The following AOAH variants were observed in gnomAD, a reference collection of about 807,000 sequenced individuals.
AOAH encodes the protein acyloxyacyl hydrolase (neutrophil).
AOAH carries 64 observed loss-of-function variants against 92.2 expected under a neutral mutation model. The observed-to-expected ratio is 0.69, with a 90% CI of 0.57 to 0.86. The LOEUF is 0.86. Among genes scored for constraint, AOAH ranks in the 40% least tolerant of loss-of-function variants. The pLI is 0.00. For synonymous variants in AOAH, 263 were observed against 254.5 expected (o/e 1.03, Z -0.32); for missense variants, 656 against 694.6 (o/e 0.94, Z 0.62).
At chr7:36,682,295 C>T (rs933250293) in intron 2 of AOAH, among the ~76,000 whole-genome samples, 3 of 150,366 alleles carry the variant, frequency 2.0e-5, no homozygotes, top group East Asian at 3.9e-4. Flanking sequence ...AAGCAAGCTG[C>T]CACAATTTTT....
chr7:36,558,595 C>T (rs1181384134), intron 13 of AOAH, among the ~76,000 whole-genome samples: 4 of 152,224 alleles, frequency 2.6e-5, no homozygotes, highest in East Asian at 1.9e-4. Flanking sequence ...CTACAGAGGC[C>T]AGCAGGCCTC....
intron 2 of AOAH, among the ~76,000 whole-genome samples, chr7:36,680,695 C>T (rs7783845): frequency 6.6e-6 from 1 of 152,142 alleles, no homozygotes; most frequent in Non-Finnish European, 1.5e-5. Context: ...CCCATGGTGT[C>T]CTTTAACCTG....
chr7:36,682,161 C>G (rs4532514), intron 2 of AOAH, among the ~76,000 whole-genome samples: 37,220 of 152,244 alleles, frequency 0.24, 5,032 homozygotes, highest in African/African-American at 0.36. Flanking sequence ...CTAGAGTCAT[C>G]TGGCACCCAC....
At chr7:36,684,605 G>T (rs1796849533) in intron 2 of AOAH, among the ~76,000 whole-genome samples, 2 of 151,852 alleles carry the variant, frequency 1.3e-5, no homozygotes, top group African/African-American at 4.8e-5. Flanking sequence ...ATTGAACATC[G>T]ACAGCTGCGA....
At chr7:36,620,406 GA>G (rs34474544) in intron 9 of AOAH, among the ~76,000 whole-genome samples, 2,975 of 145,348 alleles carry the variant, frequency 0.02, 98 homozygotes, top group African/African-American at 0.069. Flanking sequence ...TTATGAAACA[GA>G]AAAAAAAAAA....
intron 2 of AOAH, among the ~76,000 whole-genome samples, chr7:36,680,626 A>AATGTGTATGGGGTGT (rs1796588687): frequency 6.6e-6 from 1 of 152,160 alleles, no homozygotes; most frequent in Non-Finnish European, 1.5e-5. Context: ...CATACAACTG[A>AATGTGTATGGGGTGT]CATAACCATT....
intron 15 of AOAH, 79 bp downstream of exon 15, chr7:36,548,533 G>T: frequency 8.4e-7 from 1 of 1,190,528 alleles, no homozygotes; most frequent in Non-Finnish European, 1.2e-6. Flanking sequence ...CTGCTATAAT[G>T]GAGTGGAGTT....
At chr7:36,701,043 T>A (rs549872502) in intron 1 of AOAH, among the ~76,000 whole-genome samples, 5 of 152,046 alleles carry the variant, frequency 3.3e-5, no homozygotes, top group Admixed American at 1.3e-4. Flanking sequence ...TTAGGGCTAT[T>A]TTGTTGAATT....
chr7:36,692,641 G>A (rs1797473734), intron 1 of AOAH, among the ~76,000 whole-genome samples: 1 of 152,128 alleles, frequency 6.6e-6, no homozygotes, highest in African/African-American at 2.4e-5. Context: ...GACATAAGGT[G>A]ACTGGTTTAG....
At chr7:36,704,665 CCAAAACCTGG>C (rs1335770039) in intron 1 of AOAH, among the ~76,000 whole-genome samples, 1 of 152,112 alleles carries the variant, frequency 6.6e-6, no homozygotes, top group Non-Finnish European at 1.5e-5. Flanking sequence ...CATCCTGATA[CCAAAACCTGG>C]CAGTGACACA....
intron 1 of AOAH, among the ~76,000 whole-genome samples, chr7:36,706,740 C>T (rs4443566): frequency 0.061 from 9,219 of 152,252 alleles, 372 homozygotes; most frequent in Middle Eastern, 0.15. Context: ...GCTTCTACAT[C>T]AGCATGTGTT....
chr7:36,673,956 C>G lies in AOAH; in HGVS notation c.277G>C (p.Asp93His), dbSNP rs1267800979. ...CYLVIDKFGS[D>H]IIKLLSADMN... is the part of the protein sequence containing the mutation. ...TGGCATACTCACAGTTTTATGATGT[C>G]TGATCCAAACTTGTCAATGACTAAA... Residue 93 changes from aspartate to histidine, a missense_variant, in exon 3 of 21, where the codon GAC becomes CAC. Asp to His is a moderately conservative substitution (Grantham distance 81). Coordinates refer to ENST00000617537, the MANE Select transcript of AOAH (RefSeq NM_001637.4). The G allele has an allele frequency of 6.2e-7, 1 of 1,610,154 alleles. No homozygotes were observed. Among genetic ancestry groups the G allele is most frequent in the Non-Finnish European group, 8.5e-7 (1 of 1,176,946 alleles).
chr7:36,694,507 C>A (rs1331622601), intron 1 of AOAH, among the ~76,000 whole-genome samples: 1 of 152,032 alleles, frequency 6.6e-6, no homozygotes, highest in Non-Finnish European at 1.5e-5. Context: ...GAACAAAAAA[C>A]CACTCAGAAA....
intron 6 of AOAH, among the ~76,000 whole-genome samples, chr7:36,625,474 T>C (rs990964425): frequency 1.3e-5 from 2 of 152,196 alleles, no homozygotes; most frequent in Non-Finnish European, 1.5e-5. Flanking sequence ...GCCCCCAGTA[T>C]TGGTCCTCAC....
intron 3 of AOAH, among the ~76,000 whole-genome samples, chr7:36,663,828 A>T (rs1373933007): frequency 6.6e-6 from 1 of 152,188 alleles, no homozygotes; most frequent in East Asian, 1.9e-4. Context: ...AGCGGTATGA[A>T]TCCTGGCTTG....
intron 3 of AOAH, among the ~76,000 whole-genome samples, chr7:36,669,911 T>C (rs1010577313): frequency 6.6e-6 from 1 of 152,178 alleles, no homozygotes; most frequent in Non-Finnish European, 1.5e-5. Context: ...AGAGTCAGGC[T>C]TGCTACAGGA....
At chr7:36,683,706 A>G (rs967017000) in intron 2 of AOAH, among the ~76,000 whole-genome samples, 19 of 141,102 alleles carry the variant, frequency 1.3e-4, no homozygotes, top group African/African-American at 4.4e-4. Context: ...TTAAGAAAAA[A>G]ATATTGTGGT....
intron 19 of AOAH, among the ~76,000 whole-genome samples, chr7:36,527,736 G>C (rs766003815): frequency 1.2e-4 from 18 of 152,200 alleles, no homozygotes; most frequent in Non-Finnish European, 2.1e-4. Flanking sequence ...AGGTCACCCA[G>C]CTATTCTGTG....
chr7:36,549,793 A>G (rs1786067633), intron 13 of AOAH, among the ~76,000 whole-genome samples: 1 of 152,224 alleles, frequency 6.6e-6, no homozygotes, highest in Non-Finnish European at 1.5e-5. Flanking sequence ...AAAAGTATGT[A>G]TCTACTACCA....
Sources: gnomAD v4.1 joint callset for allele counts (sites outside exome capture counted in the v4.1 genomes callset) on GRCh38, gnomAD v4.1.1 for gene constraint, MANE v1.5 for transcripts, NCBI Gene and HGNC (gene_info 2026-07-23, HGNC 2026-07-21) for gene names.